TOGARAM1: variants seen among roughly 807,000 people sequenced by gnomAD.
TOGARAM1 encodes TOG array regulator of axonemal microtubules 1.
TOGARAM1 carries 100 observed loss-of-function variants against 166.6 expected under a neutral mutation model. That is an observed-to-expected ratio of 0.60 (90% confidence interval 0.51 to 0.71). The LOEUF (loss-of-function observed/expected upper bound fraction) is 0.71, where lower values mean the gene tolerates loss of function less well. Among genes scored for constraint, TOGARAM1 ranks in the 30% least tolerant of loss-of-function variants. The probability of loss-of-function intolerance (pLI) is 0.00; values close to 1 mark genes in which losing one functional copy is unlikely to be tolerated. For synonymous variants in TOGARAM1, 758 were observed against 763.8 expected (o/e 0.99, Z 0.13); for missense variants, 2,029 against 2,102.7 (o/e 0.96, Z 0.69).
intron 18 of TOGARAM1, among the ~76,000 whole-genome samples, chr14:45,069,665 A>G (rs943935896): frequency 2.0e-5 from 3 of 152,198 alleles, no homozygotes; most frequent in Non-Finnish European, 4.4e-5. Context: ...AGTTAAGGCC[A>G]TGATCACCAC....
At chr14:45,036,991 A>C (rs1881468388) in intron 11 of TOGARAM1, among the ~76,000 whole-genome samples, 1 of 152,198 alleles carries the variant, frequency 6.6e-6, no homozygotes, top group African/African-American at 2.4e-5. Flanking sequence ...ACCCCTGATA[A>C]ACTCATCAGA....
At chr14:45,015,471 T>C (rs1225270979) in intron 7 of TOGARAM1, among the ~76,000 whole-genome samples, 1 of 151,760 alleles carries the variant, frequency 6.6e-6, no homozygotes, top group Non-Finnish European at 1.5e-5. Context: ...ATATGTTTTA[T>C]GGTTGTAATA....
At chr14:45,057,513 A>C (rs539646797) in intron 16 of TOGARAM1, among the ~76,000 whole-genome samples, 1 of 151,938 alleles carries the variant, frequency 6.6e-6, no homozygotes, top group Non-Finnish European at 1.5e-5. Context: ...TGCAGCCTCA[A>C]ATTCTTGGGC....
intron 1 of TOGARAM1, among the ~76,000 whole-genome samples, chr14:44,982,358 C>T (rs978655258): frequency 1.3e-5 from 2 of 152,112 alleles, no homozygotes; most frequent in African/African-American, 4.8e-5. Flanking sequence ...AAGTTTGCAT[C>T]TCTTTCTATG....
chr14:45,042,327 C>T (rs1382006574), intron 11 of TOGARAM1: 1 of 151,986 alleles, frequency 6.6e-6, no homozygotes, highest in Admixed American at 6.6e-5. Flanking sequence ...AATTTTAAAT[C>T]CTTACCAAAA....
chr14:45,073,443 C>T lies in TOGARAM1; in HGVS notation c.5204C>T (p.Ser1735Leu). Reference protein sequence around the residue: ...GNIRTATAKLSKALFAQMGQN... With the variant: ...GNIRTATAKLLKALFAQMGQN... ...ATACGAACAGCCACAGCTAAATTAT[C>T]AAAAGCACTCTTTGCACAGATGGGT... is the stretch of plus-strand genomic sequence containing the variant. Residue 1735 changes from serine (S) to leucine (L), a missense_variant, in exon 20 of 20, where the codon TCA becomes TTA. Around this residue, in one of 2 missense-constraint regions of TOGARAM1, gnomAD observed 576 missense variants for 670.5 expected, o/e 0.86. Coordinates refer to ENST00000361462, the MANE Select transcript of TOGARAM1 (RefSeq NM_001308120.2). The T allele has an allele frequency of 1.9e-6, 3 of 1,614,174 alleles. No individual in the cohort carries two copies. Among genetic ancestry groups the T allele is most frequent in the Non-Finnish European group, 2.5e-6 (3 of 1,180,022 alleles).
In TOGARAM1 at chr14:45,045,577, ATATATATGTGTGTGTGTGTGTGTG is replaced by A. The variant is rs1425321080; in HGVS notation, c.4154+709_4154+732del. On this transcript the variant is annotated intron_variant, in intron 13 of 19. Coordinates refer to ENST00000361462, the MANE Select transcript of TOGARAM1 (RefSeq NM_001308120.2). ...TATATATATATATATATATATATATATATATATGTGTGTGTGTGTGTGTGTGTGTGTGTGTGTGTGTATATATAT... is the reference window on the plus strand; with the variant it reads ...TATATATATATATATATATATATATATGTGTGTGTGTGTGTGTATATATAT... 1.3e-3 allele frequency among the ~76,000 whole-genome samples: 47 copies of A among 37,520 alleles called. 1 individual carries two copies. Among genetic ancestry groups the A allele is most frequent in the African/African-American group, 6.7e-3 (42 of 6,254 alleles). The allele number at this position is 37,520 out of a possible 152,430, so 24.6% of individuals were successfully genotyped here.
chr14:45,058,074 G>C (rs908084973), intron 16 of TOGARAM1, among the ~76,000 whole-genome samples: 3 of 152,154 alleles, frequency 2.0e-5, no homozygotes, highest in African/African-American at 7.2e-5. Context: ...TTGTTTTGCT[G>C]TCTCTTTCTT....
chr14:45,050,200 A>G (rs140484907), intron 14 of TOGARAM1, among the ~76,000 whole-genome samples: 62 of 152,290 alleles, frequency 4.1e-4, no homozygotes, highest in East Asian at 2.9e-3. Context: ...ATTCTCTGAC[A>G]TCACTTCTCT....
chr14:45,034,645 G>C lies in TOGARAM1; in HGVS notation c.3812+2269G>C, dbSNP rs551108860. Among the ~76,000 whole-genome samples the C allele has an allele frequency of 2.6e-5, 4 of 152,292 alleles. No individual in the cohort carries two copies. The South Asian group carries it at 8.3e-4, about 32-fold the overall frequency. ...CATTGGGTAGAATACTCAGAGTTTTGCTCCATAGTGTAGTAAAATAAACCA... is the reference window on the plus strand; with the variant it reads ...CATTGGGTAGAATACTCAGAGTTTTCCTCCATAGTGTAGTAAAATAAACCA... On this transcript the variant is annotated intron_variant, in intron 11 of 19. Coordinates refer to ENST00000361462, the MANE Select transcript of TOGARAM1 (RefSeq NM_001308120.2).
In TOGARAM1 at chr14:45,012,051, A is replaced by T. The variant is rs145006760; in HGVS notation, c.3214A>T (p.Ile1072Phe). The T allele has an allele frequency of 1.4e-3, 2,311 of 1,610,054 alleles. 3 individuals carry two copies. The highest frequency in any genetic ancestry group is 1.8e-3 in the Non-Finnish European group (2,136 of 1,178,302). Residue 1072 changes from isoleucine to phenylalanine, a missense_variant, in exon 7 of 20, where the codon ATT becomes TTT. By Grantham distance (21) the Ile-to-Phe change is conservative (BLOSUM62 0). Around this residue, in one of 2 missense-constraint regions of TOGARAM1, gnomAD observed 1,453 missense variants for 1,432.2 expected, o/e 1.01. Transcript: ENST00000361462. ...TTCTGCAAAGAAAAAAATTTCTCATATTGCTGAACAAAGCCCCAGTGCAGG... is the reference window on the plus strand; with the variant it reads ...TTCTGCAAAGAAAAAAATTTCTCATTTTGCTGAACAAAGCCCCAGTGCAGG... Reference protein sequence around the residue: ...LSSAKKKISHIAEQSPSAGSS... With the variant: ...LSSAKKKISHFAEQSPSAGSS...
At chr14:45,038,903 C>T (rs1881575982) in intron 11 of TOGARAM1, among the ~76,000 whole-genome samples, 2 of 152,186 alleles carry the variant, frequency 1.3e-5, no homozygotes, top group Non-Finnish European at 2.9e-5. Flanking sequence ...AACAGTATAC[C>T]TCTCAGAAGA....
chr14:45,007,699 G>A (rs1035110920), intron 5 of TOGARAM1: 4 of 152,096 alleles, frequency 2.6e-5, no homozygotes, highest in African/African-American at 7.2e-5. Context: ...ATGGGTCACT[G>A]TTTATATTCT....
intron 1 of TOGARAM1, chr14:44,978,115 T>C (rs562180774): frequency 6.6e-6 from 1 of 152,364 alleles, no homozygotes; most frequent in South Asian, 2.1e-4. Flanking sequence ...TATAAGTTTT[T>C]AAAGATATGT....
intron 1 of TOGARAM1, among the ~76,000 whole-genome samples, chr14:44,974,424 T>C (rs1391892625): frequency 6.6e-6 from 1 of 152,138 alleles, no homozygotes; most frequent in African/African-American, 2.4e-5. Flanking sequence ...TTTTTCATTA[T>C]AGCCCTTAGT....
chr14:45,073,358 T>A lies in TOGARAM1; in HGVS notation c.5119T>A (p.Leu1707Ile), dbSNP rs1420367282. ...CACAGAGCAGAAAGTGTTGGTTGTT[T>A]TATGGCATCTCTTAGGAAATATGAC... ...HATEQKVLVVLWHLLGNMTNS... is the reference protein window; with the variant it reads ...HATEQKVLVVIWHLLGNMTNS... The change falls in exon 20 of 20, where the codon TTA becomes ATA. Residue 1707 changes from leucine (L) to isoleucine (I), a missense_variant. Leu to Ile is a conservative substitution (Grantham distance 5, BLOSUM62 2). Around this residue, in one of 2 missense-constraint regions of TOGARAM1, gnomAD observed 576 missense variants for 670.5 expected, o/e 0.86. Coordinates refer to ENST00000361462, the MANE Select transcript of TOGARAM1 (RefSeq NM_001308120.2). 1.2e-6 allele frequency: 2 copies of A among 1,614,170 alleles called. No individual in the cohort carries two copies. Among genetic ancestry groups the A allele is most frequent in the Non-Finnish European group, 1.7e-6 (2 of 1,180,018 alleles).
At chr14:45,029,408 T>C (rs1036138496) in intron 10 of TOGARAM1, among the ~76,000 whole-genome samples, 2 of 152,234 alleles carry the variant, frequency 1.3e-5, no homozygotes, top group East Asian at 1.9e-4. Flanking sequence ...GATTTTTGCC[T>C]ACAATGTAGG....
At chr14:44,999,560 C>A in intron 3 of TOGARAM1, 63 bp downstream of exon 3, 1 of 1,357,354 alleles carries the variant, frequency 7.4e-7, no homozygotes, top group East Asian at 2.4e-5. Flanking sequence ...GATTCCAACA[C>A]TAACTTATAT....
chr14:44,995,995 TAGGC>T, intron 2 of TOGARAM1, 93 bp downstream of exon 2: 1 of 994,076 alleles, frequency 1.0e-6, no homozygotes, highest in Non-Finnish European at 1.4e-6. Context: ...TTTAATCTAG[TAGGC>T]AGTTCAGATT....
Sources: gnomAD v4.1 joint callset for allele counts (sites outside exome capture counted in the v4.1 genomes callset) on GRCh38, gnomAD v4.1.1 for gene constraint, gnomAD v4.1.1 regional missense constraint, MANE v1.5 for transcripts, NCBI Gene and HGNC (gene_info 2026-07-23, HGNC 2026-07-21) for gene names.